The following HYCC1 variants were observed in gnomAD, a reference collection of about 807,000 sequenced individuals.
HYCC1 encodes the protein hyccin PI4KA lipid kinase complex subunit 1, also known as hyccin.
At chr7:22,899,439 T>G in the HYCC1 span, among the ~76,000 whole-genome samples, 1 of 152,174 alleles carries the variant, frequency 6.6e-6, no homozygotes, top group Non-Finnish European at 1.5e-5. Context: ...ATGTATGTAT[T>G]AATTAAGTTG....
the HYCC1 span, among the ~76,000 whole-genome samples, chr7:22,919,944 A>G: frequency 3.9e-5 from 6 of 152,266 alleles, no homozygotes; most frequent in Non-Finnish European, 7.3e-5. Flanking sequence ...ATTAATCTAC[A>G]TATCTGAGCT....
At chr7:22,992,591 T>C in the HYCC1 span, among the ~76,000 whole-genome samples, 1 of 152,160 alleles carries the variant, frequency 6.6e-6, no homozygotes, top group Non-Finnish European at 1.5e-5. Flanking sequence ...TTTGTTTTTA[T>C]ATTATGAATA....
chr7:22,971,746 G>A, the HYCC1 span, among the ~76,000 whole-genome samples: 4 of 151,762 alleles, frequency 2.6e-5, no homozygotes, highest in Non-Finnish European at 4.4e-5. Flanking sequence ...ATAGAAAAAG[G>A]GGAAAGGAGA....
At chr7:22,905,136 C>T in the HYCC1 span, among the ~76,000 whole-genome samples, 1 of 152,166 alleles carries the variant, frequency 6.6e-6, no homozygotes, top group African/African-American at 2.4e-5. Context: ...CCATTCATGA[C>T]AGATCCACCC....
chr7:22,989,817 T>C, the HYCC1 span, among the ~76,000 whole-genome samples: 1 of 152,190 alleles, frequency 6.6e-6, no homozygotes, highest in African/African-American at 2.4e-5. Flanking sequence ...AAGAGACAGA[T>C]AAGGCCAGCT....
At chr7:22,922,627 C>T in the HYCC1 span, among the ~76,000 whole-genome samples, 3 of 152,136 alleles carry the variant, frequency 2.0e-5, no homozygotes, top group Non-Finnish European at 2.9e-5. Context: ...ATAAGTTGAA[C>T]CATTATAAGT....
the HYCC1 span, among the ~76,000 whole-genome samples, chr7:22,896,786 C>T: frequency 6.6e-6 from 1 of 152,170 alleles, no homozygotes; most frequent in Admixed American, 6.5e-5. Context: ...GTGTAAATCA[C>T]CCCTTATTAG....
the HYCC1 span, among the ~76,000 whole-genome samples, chr7:23,006,555 C>T: frequency 6.6e-6 from 1 of 152,134 alleles, no homozygotes; most frequent in Admixed American, 6.5e-5. Context: ...GCATGAGCCA[C>T]CGCACCCGGC....
chr7:22,953,444 G>GT, the HYCC1 span, among the ~76,000 whole-genome samples: 9 of 151,886 alleles, frequency 5.9e-5, no homozygotes, highest in Admixed American at 1.3e-4. Context: ...TTACGAACAA[G>GT]TTTTTTTGCC....
the HYCC1 span, chr7:22,939,961 A>C: frequency 6.6e-6 from 1 of 152,198 alleles, no homozygotes; most frequent in African/African-American, 2.4e-5. Flanking sequence ...CTTTCTCTAC[A>C]ATTATAAAAC....
the HYCC1 span, among the ~76,000 whole-genome samples, chr7:22,916,684 C>T: frequency 3.3e-5 from 5 of 152,192 alleles, no homozygotes; most frequent in Admixed American, 2.0e-4. Flanking sequence ...TCCTGTTCCT[C>T]ACCCTGATCG....
chr7:22,983,531 T>C, the HYCC1 span, among the ~76,000 whole-genome samples: 2 of 152,198 alleles, frequency 1.3e-5, no homozygotes, highest in Non-Finnish European at 2.9e-5. Flanking sequence ...TGCTTATCCG[T>C]AGACTGGATT....
the HYCC1 span, chr7:22,941,734 T>C: frequency 1.3e-5 from 2 of 152,186 alleles, no homozygotes; most frequent in African/African-American, 4.8e-5. Context: ...TGCTCTCTGA[T>C]GAAGAATTTA....
At chr7:23,013,510 G>A in the HYCC1 span, among the ~76,000 whole-genome samples, 1 of 152,206 alleles carries the variant, frequency 6.6e-6, no homozygotes, top group Non-Finnish European at 1.5e-5. Context: ...GCAGGGAGGG[G>A]ACGGGGGGCT....
At chr7:22,904,364 G>A in the HYCC1 span, among the ~76,000 whole-genome samples, 1 of 151,448 alleles carries the variant, frequency 6.6e-6, no homozygotes, top group East Asian at 1.9e-4. Context: ...CCAGGAGGCG[G>A]AGCTTGTAGT....
At chr7:22,994,199 T>C in the HYCC1 span, among the ~76,000 whole-genome samples, 1 of 152,316 alleles carries the variant, frequency 6.6e-6, no homozygotes, top group African/African-American at 2.4e-5. Context: ...TGTCCATCAG[T>C]AGTTGAACGA....
At chr7:23,014,059 T>C in the HYCC1 span, 12 of 470,754 alleles carry the variant, frequency 2.5e-5, 1 homozygote, top group South Asian at 1.2e-4. Context: ...CGGGTCCCGG[T>C]GAGCCATCTT....
At chr7:22,999,906 T>C in the HYCC1 span, among the ~76,000 whole-genome samples, 1 of 152,048 alleles carries the variant, frequency 6.6e-6, no homozygotes, top group Non-Finnish European at 1.5e-5. Flanking sequence ...AGACGAATAA[T>C]TGCAAGGGCC....
the HYCC1 span, among the ~76,000 whole-genome samples, chr7:22,906,827 G>C: frequency 6.6e-6 from 1 of 151,974 alleles, no homozygotes; most frequent in Middle Eastern, 3.4e-3. Context: ...CACCTGGCTG[G>C]GTTTCTTTAA....
Sources: allele counts gnomAD v4.1 joint callset (sites outside exome capture counted in the v4.1 genomes callset), GRCh38; gene constraint gnomAD v4.1.1; transcripts MANE v1.5; gene names NCBI Gene and HGNC (gene_info 2026-07-23, HGNC 2026-07-21).